The following MED26 variants were observed in gnomAD, a reference collection of about 807,000 sequenced individuals.
MED26 encodes mediator complex subunit 26.
In MED26, 7 loss-of-function variants were observed where a neutral mutation model predicts 43.7. The ratio of observed to expected loss-of-function variants is 0.16; its 90% confidence interval spans 0.09 to 0.30. The LOEUF (loss-of-function observed/expected upper bound fraction) is 0.30, where lower values mean the gene tolerates loss of function less well. MED26 is among the 10% of genes least tolerant of loss of function. MED26 has a pLI of 1.00. For synonymous variants in MED26, 375 were observed against 371.1 expected, an observed-to-expected ratio of 1.01 and a Z score of -0.12; for missense variants, 784 against 840.6, an observed-to-expected ratio of 0.93 and a Z score of 0.83.
chr19:16,580,068 G>A (rs2086037022), intron 1 of MED26, among the ~76,000 whole-genome samples: 1 of 152,196 alleles, frequency 6.6e-6, no homozygotes, highest in Non-Finnish European at 1.5e-5. Flanking sequence ...GGCAGTGACA[G>A]ACCTGACTCT....
chr19:16,627,719 G>T (rs2086287734), intron 1 of MED26, among the ~76,000 whole-genome samples, 153 bp downstream of exon 1: 1 of 152,228 alleles, frequency 6.6e-6, no homozygotes, highest in Non-Finnish European at 1.5e-5. Flanking sequence ...CCCGGCCCGG[G>T]CCCGAGAAGC....
chr19:16,576,656 T>C lies in MED26; in HGVS notation c.1174A>G (p.Lys392Glu), dbSNP rs1437166547. Reference protein sequence around the residue: ...DAASSGGSDSKKKKRYRPRDY... With the variant: ...DAASSGGSDSEKKKRYRPRDY... ...CGAGGTCGGTACCTCTTCTTCTTTTTACTGTCCGAGCCCCCTGAGGAGGCA... is the reference window on the plus strand; with the variant it reads ...CGAGGTCGGTACCTCTTCTTCTTTTCACTGTCCGAGCCCCCTGAGGAGGCA... The change falls in exon 3 of 3, where the codon AAA becomes GAA. Residue 392 changes from lysine (K) to glutamate (E), a missense_variant. By Grantham distance (56) the Lys-to-Glu change is moderately conservative. This residue lies in a region of MED26 where 719 missense variants were observed against 730.9 expected (regional missense o/e 0.98). Transcript: ENST00000263390. The surrounding 1 kb of genome is among the most constrained non-coding windows in gnomAD (Gnocchi z 6.8). The C allele has an allele frequency of 6.2e-6, 10 of 1,614,088 alleles. No individual in the cohort carries two copies. The highest frequency in any genetic ancestry group is 1.3e-5 in the African/African-American group (1 of 74,952).
intron 1 of MED26, among the ~76,000 whole-genome samples, chr19:16,595,108 G>A (rs2086114354): frequency 6.6e-6 from 1 of 152,106 alleles, no homozygotes; most frequent in South Asian, 2.1e-4. Context: ...CACACTCCAG[G>A]AGCAGTGGCA....
chr19:16,597,405 C>T (rs1446797941), intron 1 of MED26: 1 of 398,538 alleles, frequency 2.5e-6, no homozygotes, highest in Non-Finnish European at 4.4e-6. Flanking sequence ...TCAGCAGCAC[C>T]TCTTGAGGCA....
intron 1 of MED26, among the ~76,000 whole-genome samples, chr19:16,612,835 C>T (rs946609992): frequency 2.6e-5 from 4 of 152,136 alleles, no homozygotes; most frequent in Non-Finnish European, 5.9e-5. Context: ...TTCCTGTTTT[C>T]CCCCGAGGGA....
chr19:16,625,921 T>C (rs1340440155), intron 1 of MED26, among the ~76,000 whole-genome samples: 6 of 152,200 alleles, frequency 3.9e-5, no homozygotes. Flanking sequence ...AGTAGGACTC[T>C]GCCCAAGATC....
intron 1 of MED26, among the ~76,000 whole-genome samples, chr19:16,594,164 G>A (rs759725114): frequency 1.3e-5 from 2 of 152,238 alleles, no homozygotes; most frequent in Non-Finnish European, 2.9e-5. Context: ...GGCAAGGCAG[G>A]GAGAGTGGAA....
intron 2 of MED26, chr19:16,578,097 G>A: frequency 1.8e-6 from 1 of 562,306 alleles, no homozygotes; most frequent in Non-Finnish European, 3.2e-6. Flanking sequence ...CACCTCTCCT[G>A]ATGTCCCCAC....
intron 1 of MED26, among the ~76,000 whole-genome samples, chr19:16,609,941 TA>T (rs869040520): frequency 0.11 from 9,027 of 84,644 alleles, 289 homozygotes; most frequent in Non-Finnish European, 0.12. Flanking sequence ...AAGCACTCTT[TA>T]AAAAAAAAAA....
chr19:16,598,336 CA>C (rs35572400), intron 1 of MED26, among the ~76,000 whole-genome samples: 852 of 63,374 alleles, frequency 0.013, 3 homozygotes, highest in Middle Eastern at 0.02. Flanking sequence ...GATTCCATCT[CA>C]AAAAAAAAAA....
At chr19:16,601,534 T>C (rs1238283489) in intron 1 of MED26, among the ~76,000 whole-genome samples, 2 of 152,206 alleles carry the variant, frequency 1.3e-5, no homozygotes, top group African/African-American at 4.8e-5. Flanking sequence ...GCCTTGAAGG[T>C]GCTCCTGGCC....
chr19:16,589,909 G>C (rs1008302625), intron 1 of MED26, among the ~76,000 whole-genome samples: 1 of 152,160 alleles, frequency 6.6e-6, no homozygotes, highest in Non-Finnish European at 1.5e-5. Flanking sequence ...CGTTCCCCAC[G>C]GCCCAGACCC....
intron 1 of MED26, among the ~76,000 whole-genome samples, chr19:16,582,794 T>C (rs12461804): frequency 0.09 from 13,713 of 152,218 alleles, 717 homozygotes; most frequent in African/African-American, 0.12. Flanking sequence ...CCGACTTCCA[T>C]GCTGGAAAGC....
At chr19:16,590,854 A>G (rs780860736) in intron 1 of MED26, among the ~76,000 whole-genome samples, 15 of 152,040 alleles carry the variant, frequency 9.9e-5, no homozygotes, top group Non-Finnish European at 2.1e-4. Flanking sequence ...CCTGGGCAAC[A>G]TGGCGAAACC....
intron 1 of MED26, among the ~76,000 whole-genome samples, chr19:16,582,348 G>C (rs557376181): frequency 1.3e-5 from 2 of 152,130 alleles, no homozygotes; most frequent in Non-Finnish European, 2.9e-5. Flanking sequence ...GCAATGCAGC[G>C]AGGAATCCCT....
chr19:16,583,461 C>G (rs1160885091), intron 1 of MED26, among the ~76,000 whole-genome samples: 1 of 152,096 alleles, frequency 6.6e-6, no homozygotes, highest in Non-Finnish European at 1.5e-5. Context: ...TCAGTTTGGC[C>G]TCTTCATTGC....
At chr19:16,619,329 G>A (rs1568290853) in intron 1 of MED26, among the ~76,000 whole-genome samples, 1 of 152,108 alleles carries the variant, frequency 6.6e-6, no homozygotes, top group Non-Finnish European at 1.5e-5. Context: ...ATCTATAAAG[G>A]GTTCTGGAGG....
At chr19:16,581,148 C>T (rs1216110780) in intron 1 of MED26, among the ~76,000 whole-genome samples, 1 of 152,216 alleles carries the variant, frequency 6.6e-6, no homozygotes, top group African/African-American at 2.4e-5. Flanking sequence ...GCAGAACTCC[C>T]ACAAAGCTGC....
intron 1 of MED26, among the ~76,000 whole-genome samples, chr19:16,599,838 G>A (rs1470242372): frequency 6.6e-6 from 1 of 152,206 alleles, no homozygotes; most frequent in Non-Finnish European, 1.5e-5. Flanking sequence ...ACAGGGGACT[G>A]TGCCATTGAG....
Sources: gnomAD v4.1 joint callset for allele counts (sites outside exome capture counted in the v4.1 genomes callset) on GRCh38, gnomAD v4.1.1 for gene constraint, gnomAD v4.1.1 regional missense constraint, Gnocchi (gnomAD v3.1) non-coding constraint, MANE v1.5 for transcripts, NCBI Gene and HGNC (gene_info 2026-07-23, HGNC 2026-07-21) for gene names.